Variants in ADGRB3 observed in about 807,000 individuals in gnomAD.
ADGRB3 encodes the protein adhesion G protein-coupled receptor B3.
In ADGRB3, 37 loss-of-function variants were observed where a neutral mutation model predicts 193.4. The observed-to-expected ratio is 0.19, with a 90% CI of 0.15 to 0.25. The LOEUF (loss-of-function observed/expected upper bound fraction) is 0.25, where lower values mean the gene tolerates loss of function less well. Ranked by LOEUF, ADGRB3 falls within the 10% of genes least tolerant of loss-of-function variation. The pLI is 1.00. For missense variants in ADGRB3, 1,637 were observed against 1,852.9 expected (o/e 0.88, Z 2.14); for synonymous variants, 690 against 644.2 (o/e 1.07, Z -1.08).
chr6:68,992,142 TA>T (rs1481394155), intron 10 of ADGRB3, among the ~76,000 whole-genome samples: 3 of 152,166 alleles, frequency 2.0e-5, no homozygotes, highest in African/African-American at 7.2e-5. Context: ...CATGTCTGTA[TA>T]AAAGATAACA....
At chr6:69,295,403 C>T (rs1767791862) in intron 20 of ADGRB3, among the ~76,000 whole-genome samples, 1 of 152,044 alleles carries the variant, frequency 6.6e-6, no homozygotes, top group Admixed American at 6.6e-5. Flanking sequence ...TCCTGCTTCC[C>T]CTACCATTTC....
chr6:69,339,114 A>G, intron 25 of ADGRB3, 100 bp downstream of exon 25: 1 of 1,289,102 alleles, frequency 7.8e-7, no homozygotes, highest in South Asian at 1.3e-5. Context: ...ATACAAGACC[A>G]GAGAGTATAT....
At chr6:69,253,688 T>C (rs974357003) in intron 20 of ADGRB3, among the ~76,000 whole-genome samples, 3 of 152,292 alleles carry the variant, frequency 2.0e-5, no homozygotes, top group East Asian at 3.9e-4. Flanking sequence ...GCTCTTATTG[T>C]CTTTCAATAC....
chr6:68,722,945 C>CA (rs1323846921), intron 3 of ADGRB3, among the ~76,000 whole-genome samples: 1 of 151,580 alleles, frequency 6.6e-6, no homozygotes, highest in Admixed American at 6.6e-5. Flanking sequence ...ATACATTCAG[C>CA]AAAAAGCCCA....
intron 17 of ADGRB3, among the ~76,000 whole-genome samples, chr6:69,178,007 C>T (rs1224496742): frequency 2.0e-5 from 3 of 152,132 alleles, no homozygotes; most frequent in Non-Finnish European, 2.9e-5. Context: ...TTTTCCTTCT[C>T]AAGGATCTGT....
intron 17 of ADGRB3, among the ~76,000 whole-genome samples, chr6:69,207,406 T>G (rs1156567738): frequency 6.6e-6 from 1 of 152,108 alleles, no homozygotes; most frequent in Non-Finnish European, 1.5e-5. Context: ...AAAATCCAAA[T>G]AGCCCCCCTA....
intron 3 of ADGRB3, among the ~76,000 whole-genome samples, chr6:68,805,124 GGTCTCA>G (rs1267951301): frequency 6.6e-6 from 1 of 151,956 alleles, no homozygotes; most frequent in African/African-American, 2.4e-5. Flanking sequence ...GTAGAGACAA[GGTCTCA>G]CTAGGCTGCC....
intron 23 of ADGRB3, 122 bp downstream of exon 23, chr6:69,330,694 C>G (rs1386851878): frequency 8.4e-6 from 5 of 595,356 alleles, no homozygotes; most frequent in African/African-American, 1.9e-5. Flanking sequence ...GTTCAATGGA[C>G]TATTATTCTA....
intron 29 of ADGRB3, among the ~76,000 whole-genome samples, chr6:69,364,685 A>C (rs1448921297): frequency 6.6e-6 from 1 of 152,066 alleles, no homozygotes; most frequent in Admixed American, 6.6e-5. Context: ...ATACTAATAT[A>C]CTAAGATTTT....
chr6:68,698,388 A>G (rs1765190123), intron 3 of ADGRB3, among the ~76,000 whole-genome samples: 1 of 152,030 alleles, frequency 6.6e-6, no homozygotes, highest in South Asian at 2.1e-4. Flanking sequence ...GGAGGCACCA[A>G]CAAGTAAGCA....
chr6:68,736,769 A>G (rs1392848515), intron 3 of ADGRB3, among the ~76,000 whole-genome samples: 1 of 152,126 alleles, frequency 6.6e-6, no homozygotes, highest in African/African-American at 2.4e-5. Context: ...GGAAGCAGGA[A>G]CATATTTAAA....
At chr6:69,209,632 C>A (rs528859581) in intron 17 of ADGRB3, among the ~76,000 whole-genome samples, 5 of 152,318 alleles carry the variant, frequency 3.3e-5, no homozygotes, top group South Asian at 2.1e-4. Flanking sequence ...AGTTGATACA[C>A]CCCTGAGGTA....
At chr6:69,176,652 T>C (rs1037436686) in intron 17 of ADGRB3, among the ~76,000 whole-genome samples, 1 of 152,206 alleles carries the variant, frequency 6.6e-6, no homozygotes, top group African/African-American at 2.4e-5. Context: ...GAATGATTTA[T>C]GGAGGAGTCC....
At chr6:69,384,096 A>G (rs1377249287) in intron 31 of ADGRB3, among the ~76,000 whole-genome samples, 5 of 151,986 alleles carry the variant, frequency 3.3e-5, no homozygotes, top group Non-Finnish European at 5.9e-5. Flanking sequence ...TACTAGTACA[A>G]TTCCAGTTGT....
At chr6:69,107,449 G>T (rs1488963701) in intron 17 of ADGRB3, among the ~76,000 whole-genome samples, 1 of 152,140 alleles carries the variant, frequency 6.6e-6, no homozygotes, top group Non-Finnish European at 1.5e-5. Context: ...AAGGTGCTAG[G>T]AGTAAAAGAG....
intron 3 of ADGRB3, among the ~76,000 whole-genome samples, chr6:68,907,841 G>C (rs13210818): frequency 0.31 from 46,508 of 151,514 alleles, 7,647 homozygotes; most frequent in Middle Eastern, 0.52. Context: ...AAACACACTA[G>C]GTAGCTTTTC....
At chr6:69,094,688 T>C (rs1582456140) in intron 17 of ADGRB3, among the ~76,000 whole-genome samples, 1 of 152,202 alleles carries the variant, frequency 6.6e-6, no homozygotes, top group Admixed American at 6.5e-5. Context: ...GCTATCTATA[T>C]AGAAGATAAT....
At chr6:68,954,402 A>G (rs1160078616) in intron 6 of ADGRB3, among the ~76,000 whole-genome samples, 1 of 152,142 alleles carries the variant, frequency 6.6e-6, no homozygotes, top group Admixed American at 6.5e-5. Context: ...AATCTCCCAA[A>G]GATAAATCAA....
chr6:69,254,411 TTCCAATACTAGA>T (rs1766703291), intron 20 of ADGRB3, among the ~76,000 whole-genome samples: 1 of 152,198 alleles, frequency 6.6e-6, no homozygotes. Context: ...TTACTTTTTT[TTCCAATACTAGA>T]AAGGATTCTA....
Sources: gnomAD v4.1 joint callset for allele counts (sites outside exome capture counted in the v4.1 genomes callset) on GRCh38, gnomAD v4.1.1 for gene constraint, MANE v1.5 for transcripts, NCBI Gene and HGNC (gene_info 2026-07-23, HGNC 2026-07-21) for gene names.